Variants in EPB41L4B observed in about 807,000 individuals in gnomAD.
The protein encoded by EPB41L4B is erythrocyte membrane protein band 4.1 like 4B, also known as band 4.1-like protein 4B.
Under a neutral mutation model 112.5 loss-of-function variants are expected in EPB41L4B, and 30 were observed. That is an observed-to-expected ratio of 0.27 (90% CI 0.20 to 0.36). The LOEUF is 0.36. EPB41L4B is among the 10% of genes least tolerant of loss of function. The probability of loss-of-function intolerance (pLI) is 1.00; values close to 1 mark genes in which losing one functional copy is unlikely to be tolerated. For synonymous variants in EPB41L4B, 408 were observed against 439.7 expected (o/e 0.93, Z 0.90); for missense variants, 1,024 against 1,133.3 (o/e 0.90, Z 1.38).
chr9:109,203,564 T>G, intron 19 of EPB41L4B, 99 bp downstream of exon 19: 1 of 994,124 alleles, frequency 1.0e-6, no homozygotes, highest in Non-Finnish European at 1.6e-6. Context: ...TTATTTGTCC[T>G]CTGATTTTAT....
intron 1 of EPB41L4B, 91 bp from the exon 2 acceptor site, chr9:109,280,012 T>C (rs1182448463): frequency 1.0e-5 from 9 of 904,110 alleles, no homozygotes; most frequent in South Asian, 6.5e-5. Context: ...TCTTTGTAAA[T>C]TGCATACATG....
intron 2 of EPB41L4B, among the ~76,000 whole-genome samples, chr9:109,270,037 C>T (rs375973685): frequency 2.6e-5 from 4 of 152,130 alleles, no homozygotes; most frequent in Admixed American, 6.5e-5. Context: ...GTAATGTCAC[C>T]GCAGCAGGAT....
At position 109,282,099 on chromosome 9, in the gene EPB41L4B, G is replaced by A. The variant is rs753081691; in HGVS notation, c.307-2178C>T. Reference sequence around the variant, plus strand: ...TGCTGATATGTGCTTCCACATGGATGGACCTAGGAAACATTATGCTAAGTG... The same window carrying A: ...TGCTGATATGTGCTTCCACATGGATAGACCTAGGAAACATTATGCTAAGTG... On this transcript the variant is annotated intron_variant, in intron 1 of 25. Transcript: ENST00000374566. 2.0e-5 allele frequency among the ~76,000 whole-genome samples: 3 copies of A among 152,176 alleles called. No individual in the cohort carries two copies. The South Asian group carries it at 6.2e-4, about 32-fold the overall frequency.
At chr9:109,222,456 A>G (rs1448654954) in intron 15 of EPB41L4B, among the ~76,000 whole-genome samples, 1 of 152,164 alleles carries the variant, frequency 6.6e-6, no homozygotes, top group Non-Finnish European at 1.5e-5. Flanking sequence ...GATGCCACTC[A>G]CCGACTACAA....
intron 24 of EPB41L4B, among the ~76,000 whole-genome samples, chr9:109,177,839 A>G (rs1831899639): frequency 2.6e-5 from 4 of 151,300 alleles, no homozygotes. Flanking sequence ...AAAAAAGTAG[A>G]TCAATGAAGA....
chr9:109,264,993 T>C lies in EPB41L4B; in HGVS notation c.565A>G (p.Ile189Val). The change falls in exon 5 of 26, where the codon ATT becomes GTT. Residue 189 changes from isoleucine to valine, a missense_variant. Transcript: ENST00000374566. ...AAACATACTTACTTTCCAGAAAGAA[T>C]GTCATGCCTGAGTTGTAAAACAAAC... is the stretch of plus-strand genomic sequence containing the variant. ...YLFVLQLRHD[I>V]LSGKLKCPYE... 6.2e-7 allele frequency: 1 copy of C among 1,608,370 alleles called. No individual in the cohort carries two copies. The highest frequency in any genetic ancestry group is 8.5e-7 in the Non-Finnish European group (1 of 1,178,740).
intron 15 of EPB41L4B, among the ~76,000 whole-genome samples, chr9:109,242,118 G>A (rs1834372482): frequency 1.3e-5 from 2 of 152,196 alleles, no homozygotes; most frequent in South Asian, 4.1e-4. Context: ...CATTACTACA[G>A]GGCTGCTTGG....
At chr9:109,240,419 A>G in intron 15 of EPB41L4B, 1 of 985,472 alleles carries the variant, frequency 1.0e-6, no homozygotes, top group Non-Finnish European at 1.2e-6. Flanking sequence ...TAGTAATAAA[A>G]TATCTCAAAG....
At position 109,233,825 on chromosome 9, in the gene EPB41L4B, C is replaced by T. The variant is rs191886385; in HGVS notation, c.1409+9793G>A. ...ACGATTACAGGCATGAGCCACCACG[C>T]TTAGCCTGGAAACCTACTTTTAAAA... On this transcript the variant is annotated intron_variant, in intron 15 of 25. Coordinates refer to ENST00000374566, the MANE Select transcript of EPB41L4B (RefSeq NM_019114.5). 9.1e-4 allele frequency among the ~76,000 whole-genome samples: 139 copies of T among 152,302 alleles called. 2 individuals carry two copies. Among genetic ancestry groups the T allele is most frequent in the African/African-American group, 3.1e-3 (127 of 41,568 alleles).
intron 24 of EPB41L4B, among the ~76,000 whole-genome samples, chr9:109,180,719 C>A (rs1263535150): frequency 4.6e-5 from 7 of 152,142 alleles, no homozygotes; most frequent in Admixed American, 2.0e-4. Flanking sequence ...TTAGAGCTAC[C>A]TTTAGCCACC....
intron 15 of EPB41L4B, among the ~76,000 whole-genome samples, chr9:109,228,040 T>C (rs1833842819): frequency 6.6e-6 from 1 of 152,204 alleles, no homozygotes; most frequent in Non-Finnish European, 1.5e-5. Context: ...CAGTAGTTAT[T>C]CCTAATTTTG....
Position 109,181,443 on chromosome 9 carries a change from A to T in EPB41L4B, c.2487+1286T>A, listed in dbSNP as rs144177570. ...AACAATCATAACTGACAGGTGTGGG[A>T]TGTTTTGTGGTTGGTAAAACACTTT... On this transcript the variant is annotated intron_variant, in intron 24 of 25. Coordinates refer to ENST00000374566, the MANE Select transcript of EPB41L4B (RefSeq NM_019114.5). 5.1e-4 allele frequency among the ~76,000 whole-genome samples: 77 copies of T among 152,318 alleles called. No homozygotes were observed. In the East Asian group the frequency reaches 0.012, roughly 23 times the overall value.
At chr9:109,300,791 C>T (rs1398053534) in intron 1 of EPB41L4B, 2 of 151,912 alleles carry the variant, frequency 1.3e-5, no homozygotes, top group African/African-American at 4.8e-5. Flanking sequence ...GTCTCAAAAA[C>T]AAAGAAATAA....
rs1564328589 is a variant in EPB41L4B at position 109,297,492 on chromosome 9, G to A, written c.307-17571C>T. Among the ~76,000 whole-genome samples, 4 of 152,298 alleles carry A rather than the reference G, an allele frequency of 2.6e-5. 1 individual carries two copies. Among genetic ancestry groups the A allele is most frequent in the Middle Eastern group, 6.8e-3 (2 of 294 alleles). ...AGCTTGTTTTCTGTCTGTGAACGGA[G>A]GTGATAGCACGCATTTCCCACCGAG... On this transcript the variant is annotated intron_variant, in intron 1 of 25. Transcript: ENST00000374566.
intron 1 of EPB41L4B, among the ~76,000 whole-genome samples, chr9:109,311,508 T>C (rs1200394683): frequency 1.3e-5 from 2 of 152,126 alleles, no homozygotes; most frequent in Non-Finnish European, 2.9e-5. Context: ...ATCCCACAGG[T>C]GGGACAGGAC....
chr9:109,288,878 A>G (rs1836413270), intron 1 of EPB41L4B, among the ~76,000 whole-genome samples: 2 of 151,522 alleles, frequency 1.3e-5, no homozygotes, highest in Admixed American at 6.6e-5. Context: ...TAGCCTGGAT[A>G]ACACAGCAAG....
intron 1 of EPB41L4B, among the ~76,000 whole-genome samples, chr9:109,287,541 G>C (rs2119165607): frequency 6.6e-6 from 1 of 152,330 alleles, no homozygotes; most frequent in Non-Finnish European, 1.5e-5. Context: ...AATTGCAAAA[G>C]CACGGTGCCT....
chr9:109,298,198 T>C (rs1836812206), intron 1 of EPB41L4B, among the ~76,000 whole-genome samples: 1 of 152,224 alleles, frequency 6.6e-6, no homozygotes, highest in Non-Finnish European at 1.5e-5. Flanking sequence ...CTGAGGTCTG[T>C]GGTTTGTGGT....
At position 109,267,487 on chromosome 9, in the gene EPB41L4B, A is replaced by G; in HGVS notation, c.519T>C (p.Arg173=). The change falls in exon 4 of 26, where the codon CGT becomes CGC. Residue 173 remains arginine, a synonymous_variant. Transcript: ENST00000374566. ...TCGTGGCCTACCTTGTAAACTCCTC[A>G]CGAAGGTTGTTTGGTTCTGAAGAAT... ...KYYSSEPNNL[R]EEFTRYLFVL... 2 of 1,613,206 alleles carry G rather than the reference A, an allele frequency of 1.2e-6. No homozygotes were observed. Among genetic ancestry groups the G allele is most frequent in the Non-Finnish European group, 1.7e-6 (2 of 1,179,298 alleles).
Sources: gnomAD v4.1 joint callset for allele counts (sites outside exome capture counted in the v4.1 genomes callset) on GRCh38, gnomAD v4.1.1 for gene constraint, MANE v1.5 for transcripts, NCBI Gene and HGNC (gene_info 2026-07-23, HGNC 2026-07-21) for gene names.